FHIT: variants seen among roughly 807,000 people sequenced by gnomAD.
FHIT encodes the protein fragile histidine triad diadenosine triphosphatase, also known as bis(5'-adenosyl)-triphosphatase.
A neutral mutation model predicts 17.9 loss-of-function variants in FHIT; 19 were observed. The observed-to-expected ratio is 1.06, with a 90% CI of 0.74 to 1.56. The LOEUF (loss-of-function observed/expected upper bound fraction) is 1.56. Among genes scored for constraint, FHIT ranks in the 40% most tolerant of loss-of-function variants. The probability of loss-of-function intolerance (pLI) is 0.00; values close to 1 mark genes in which losing one functional copy is unlikely to be tolerated. For missense variants in FHIT, 248 were observed against 189.2 expected (o/e 1.31, Z -1.82); for synonymous variants, 81 against 69.7 (o/e 1.16, Z -0.81).
chr3:60,207,413 A>C (rs541564804), intron 5 of FHIT, among the ~76,000 whole-genome samples: 1 of 152,222 alleles, frequency 6.6e-6, no homozygotes, highest in Admixed American at 6.5e-5. Flanking sequence ...CAGACCTCGA[A>C]AGGCTTCTAT....
At chr3:61,145,561 A>G (rs1171897169) in intron 2 of FHIT, among the ~76,000 whole-genome samples, 1 of 152,082 alleles carries the variant, frequency 6.6e-6, no homozygotes, top group Non-Finnish European at 1.5e-5. Context: ...AAAAAAATAA[A>G]AAAACAGCTG....
chr3:61,119,027 G>T (rs1361174201), intron 2 of FHIT, among the ~76,000 whole-genome samples: 2 of 152,118 alleles, frequency 1.3e-5, no homozygotes, highest in Non-Finnish European at 2.9e-5. Flanking sequence ...TTGCACGGAA[G>T]AGTGGTATAG....
chr3:60,113,828 C>T (rs1442473169), intron 5 of FHIT, among the ~76,000 whole-genome samples: 3 of 148,686 alleles, frequency 2.0e-5, no homozygotes, highest in African/African-American at 7.5e-5. Context: ...GGTGAAACCC[C>T]GTCTCTACTA....
At chr3:60,114,097 T>C (rs552185686) in intron 5 of FHIT, among the ~76,000 whole-genome samples, 153 of 120,778 alleles carry the variant, frequency 1.3e-3, no homozygotes, top group Non-Finnish European at 2.3e-3. Flanking sequence ...CTTACCACAA[T>C]TAAGAAACAA....
At chr3:60,024,732 C>G (rs569476569) in intron 5 of FHIT, among the ~76,000 whole-genome samples, 38 of 152,338 alleles carry the variant, frequency 2.5e-4, no homozygotes, top group Admixed American at 1.2e-3. Context: ...GCCAAACCAG[C>G]TAAGGTGGCT....
chr3:61,250,569 G>T (rs751726462), intron 1 of FHIT, among the ~76,000 whole-genome samples: 4 of 152,172 alleles, frequency 2.6e-5, no homozygotes, highest in Non-Finnish European at 5.9e-5. Context: ...GCTGTTCCAA[G>T]GTAACACAGC....
At chr3:60,277,080 A>C (rs766322973) in intron 5 of FHIT, among the ~76,000 whole-genome samples, 2 of 152,164 alleles carry the variant, frequency 1.3e-5, no homozygotes, top group Non-Finnish European at 2.9e-5. Context: ...AATCTTGCTG[A>C]CATCTTAATT....
At chr3:61,018,418 C>A (rs980170925) in intron 3 of FHIT, among the ~76,000 whole-genome samples, 1 of 152,168 alleles carries the variant, frequency 6.6e-6, no homozygotes, top group Non-Finnish European at 1.5e-5. Flanking sequence ...TTACCATTTA[C>A]ATTAGTTTGA....
chr3:60,045,048 AAAAG>A (rs1701595108), intron 5 of FHIT, among the ~76,000 whole-genome samples: 2 of 152,112 alleles, frequency 1.3e-5, no homozygotes, highest in African/African-American at 2.4e-5. Flanking sequence ...AACAGCAAAA[AAAAG>A]AAAGAAAGAA....
At chr3:61,244,966 A>G (rs1204499877) in intron 1 of FHIT, among the ~76,000 whole-genome samples, 3 of 152,190 alleles carry the variant, frequency 2.0e-5, no homozygotes, top group Non-Finnish European at 4.4e-5. Flanking sequence ...GAGTCAACCA[A>G]GAACCTGAGG....
intron 4 of FHIT, among the ~76,000 whole-genome samples, chr3:60,593,770 A>G (rs1186589659): frequency 3.3e-5 from 5 of 152,110 alleles, no homozygotes; most frequent in African/African-American, 1.2e-4. Context: ...CCAAGCTGAC[A>G]TCTTTAGAAT....
chr3:60,321,860 G>C (rs1297948704), intron 5 of FHIT, among the ~76,000 whole-genome samples: 1 of 152,176 alleles, frequency 6.6e-6, no homozygotes, highest in Non-Finnish European at 1.5e-5. Flanking sequence ...GGTAGAAGGG[G>C]CAAGGAAGCT....
chr3:60,194,718 A>G (rs1220786986), intron 5 of FHIT, among the ~76,000 whole-genome samples: 1 of 152,176 alleles, frequency 6.6e-6, no homozygotes, highest in Non-Finnish European at 1.5e-5. Flanking sequence ...TCTGCTAGGA[A>G]CTCAAACAAA....
intron 3 of FHIT, among the ~76,000 whole-genome samples, chr3:60,877,691 G>A (rs1471914630): frequency 1.3e-5 from 2 of 152,122 alleles, no homozygotes; most frequent in South Asian, 2.1e-4. Flanking sequence ...CTGAGCTGAT[G>A]TAGTATCTTG....
chr3:60,264,363 T>C (rs1259897414), intron 5 of FHIT, among the ~76,000 whole-genome samples: 1 of 143,948 alleles, frequency 6.9e-6, no homozygotes, highest in African/African-American at 2.6e-5. Flanking sequence ...TTCCTACCAA[T>C]AGTTCAGCTC....
rs1015367896 is a variant in FHIT at position 60,380,274 on chromosome 3, G to A, written c.103+156586C>T. On this transcript the variant is annotated intron_variant, in intron 5 of 9. Coordinates refer to ENST00000492590, the MANE Select transcript of FHIT (RefSeq NM_002012.4). Reference sequence around the variant, plus strand: ...CACAAGAGGCTGGCTGTTTAAAGAAGCTTGTCCCTTGTCACTCTCACTGCC... The same window carrying A: ...CACAAGAGGCTGGCTGTTTAAAGAAACTTGTCCCTTGTCACTCTCACTGCC... Among the ~76,000 whole-genome samples, 5 of 152,242 alleles carry A rather than the reference G, an allele frequency of 3.3e-5. 1 individual carries two copies. The highest frequency in any genetic ancestry group is 6.8e-3 in the Middle Eastern group (2 of 294).
chr3:59,895,117 C>T (rs186979578), intron 8 of FHIT, among the ~76,000 whole-genome samples: 93 of 152,248 alleles, frequency 6.1e-4, no homozygotes, highest in African/African-American at 2.1e-3. Flanking sequence ...TGGGTAGAAG[C>T]CTGAATGCTA....
In FHIT at chr3:60,164,062, T is replaced by G. The variant is rs140866713; in HGVS notation, c.104-149910A>C. Among the ~76,000 whole-genome samples the G allele has an allele frequency of 2.6e-3, 397 of 152,278 alleles. 1 individual carries two copies. The highest frequency in any genetic ancestry group is 9.3e-3 in the African/African-American group (388 of 41,566). ...AAAGCAGGATTCCAACAAAAACATTTTTTTTGGAATTTCTCCCTAAAAAAG... is the reference window on the plus strand; with the variant it reads ...AAAGCAGGATTCCAACAAAAACATTGTTTTTGGAATTTCTCCCTAAAAAAG... On this transcript the variant is annotated intron_variant, in intron 5 of 9. Transcript: ENST00000492590.
At chr3:60,342,406 G>A (rs1411794289) in intron 5 of FHIT, among the ~76,000 whole-genome samples, 1 of 152,174 alleles carries the variant, frequency 6.6e-6, no homozygotes, top group Non-Finnish European at 1.5e-5. Flanking sequence ...AATGTTTTGT[G>A]TTTGGACACC....
Sources: gnomAD v4.1 joint callset for allele counts (sites outside exome capture counted in the v4.1 genomes callset) on GRCh38, gnomAD v4.1.1 for gene constraint, MANE v1.5 for transcripts, NCBI Gene and HGNC (gene_info 2026-07-23, HGNC 2026-07-21) for gene names.